OXTR: variants seen among roughly 807,000 people sequenced by gnomAD.
OXTR encodes oxytocin receptor.
In OXTR, 19 loss-of-function variants were observed where a neutral mutation model predicts 23.9. That is an observed-to-expected ratio of 0.80 (90% CI 0.56 to 1.17). The LOEUF (loss-of-function observed/expected upper bound fraction) is 1.17, where lower values mean the gene tolerates loss of function less well. Among genes scored for constraint, OXTR ranks in the 50% most tolerant of loss-of-function variants. The pLI, the probability that OXTR is intolerant of heterozygous loss-of-function variation, is 0.00. For missense variants in OXTR, 500 were observed against 550.7 expected, an observed-to-expected ratio of 0.91 and a Z score of 0.92; for synonymous variants, 278 against 250.5, an observed-to-expected ratio of 1.11 and a Z score of -1.04.
chr3:8,752,800 C>T lies in OXTR; in HGVS notation c.*177G>A. The T allele has an allele frequency of 1.6e-6, 1 of 640,436 alleles. No homozygotes were observed. Among genetic ancestry groups the T allele is most frequent in the South Asian group, 2.0e-5 (1 of 49,760 alleles). The allele number at this position is 640,436 out of a possible 1,614,324, so 39.7% of individuals were successfully genotyped here. On this transcript the variant is annotated 3_prime_UTR_variant, in exon 4 of 4. Coordinates refer to ENST00000316793, the MANE Select transcript of OXTR (RefSeq NM_000916.4). The stretch of plus-strand genomic sequence containing the variant: ...CCAGGGTGTTGTCTGATGGCTGAGT[C>T]CCCTATCATCTTCCATCATGGAGGC...
chr3:8,749,226 T>A (rs968441133), downstream of OXTR, among the ~76,000 whole-genome samples: 1 of 152,032 alleles, frequency 6.6e-6, no homozygotes, highest in African/African-American at 2.4e-5. Context: ...GTGGGGCTAT[T>A]GAAATTGAAT....
downstream of OXTR, chr3:8,745,923 C>T: frequency 1.4e-6 from 2 of 1,446,220 alleles, no homozygotes; most frequent in Non-Finnish European, 1.9e-6. The surrounding 1 kb of genome is among the most constrained non-coding windows in gnomAD (Gnocchi z 4.8). Flanking sequence ...AGACTGGTCC[C>T]CGGGGGACTT....
intron 3 of OXTR, among the ~76,000 whole-genome samples, chr3:8,765,271 G>A (rs895086559): frequency 6.6e-6 from 1 of 152,220 alleles, no homozygotes; most frequent in African/African-American, 2.4e-5. Flanking sequence ...GTGAGAAGAG[G>A]AGTGCAAGTG....
At chr3:8,741,722 G>A in the OXTR span, among the ~76,000 whole-genome samples, 5 of 151,990 alleles carry the variant, frequency 3.3e-5, no homozygotes, top group South Asian at 1.0e-3. Context: ...GGATGCCTAC[G>A]GACTGAGTCA....
Position 8,768,416 on chromosome 3 carries a change from C to A in OXTR, c.-143+80G>T. Reference sequence around the variant, plus strand: ...CGTGCTTGTCCCATTCCCAGGAACCCAACTCATCTGAAACAACAGGGCACA... The same window carrying A: ...CGTGCTTGTCCCATTCCCAGGAACCAAACTCATCTGAAACAACAGGGCACA... On this transcript the variant is annotated intron_variant, in intron 2 of 3. Transcript: ENST00000316793. This position sits in a 1 kb window ranked among gnomAD's most constrained non-coding sequence, Gnocchi z 5.4. The A allele has an allele frequency of 3.2e-6, 2 of 621,076 alleles. No individual in the cohort carries two copies. The highest frequency in any genetic ancestry group is 4.5e-6 in the Non-Finnish European group (2 of 441,492). The allele number at this position is 621,076 out of a possible 1,614,324, so 38.5% of individuals were successfully genotyped here.
At chr3:8,763,687 A>G (rs1308972478) in intron 3 of OXTR, among the ~76,000 whole-genome samples, 1 of 152,214 alleles carries the variant, frequency 6.6e-6, no homozygotes, top group African/African-American at 2.4e-5. Flanking sequence ...CAGTCTCACC[A>G]GCCTCACCAA....
intron 3 of OXTR, among the ~76,000 whole-genome samples, chr3:8,765,168 C>T (rs575662063): frequency 3.1e-4 from 47 of 152,298 alleles, no homozygotes; most frequent in Non-Finnish European, 6.0e-4. Context: ...CAATTGTTGA[C>T]GTGCTTTTAA....
chr3:8,749,427 C>A (rs573963556), downstream of OXTR, among the ~76,000 whole-genome samples: 2 of 152,208 alleles, frequency 1.3e-5, no homozygotes, highest in South Asian at 4.2e-4. Flanking sequence ...TCCCTTTGAT[C>A]CCCAGTGGCC....
Position 8,750,918 on chromosome 3 carries a change from A to G in OXTR, c.*2059T>C, listed in dbSNP as rs1423076010. 6.6e-6 allele frequency: 1 copy of G among 152,192 alleles called. No homozygotes were observed. Among genetic ancestry groups the G allele is most frequent in the Non-Finnish European group, 1.5e-5 (1 of 68,030 alleles). The allele number at this position is 152,192 out of a possible 1,614,324, so 9.4% of individuals were successfully genotyped here. A position where few individuals can be genotyped will look rare whatever the true frequency, so the allele number is the denominator to read the frequency against. On this transcript the variant is annotated 3_prime_UTR_variant, in exon 4 of 4. Transcript: ENST00000316793. ...TACCTAGGAGTGGCATTCCTGGGTC[A>G]TATGGTCACTCTACGTTTAACTTTT...
chr3:8,762,545 G>A (rs1708511392), intron 3 of OXTR, among the ~76,000 whole-genome samples: 1 of 152,176 alleles, frequency 6.6e-6, no homozygotes, highest in African/African-American at 2.4e-5. Flanking sequence ...TGAATATCCT[G>A]TCCAAGCTTC....
intron 3 of OXTR, among the ~76,000 whole-genome samples, chr3:8,765,376 G>A (rs773150989): frequency 3.3e-5 from 5 of 152,178 alleles, no homozygotes; most frequent in Admixed American, 1.3e-4. Flanking sequence ...TGGGAGAGGC[G>A]AGGGGACCCC....
At chr3:8,755,459 T>C (rs1708352041) in intron 3 of OXTR, among the ~76,000 whole-genome samples, 1 of 152,274 alleles carries the variant, frequency 6.6e-6, no homozygotes, top group Non-Finnish European at 1.5e-5. Context: ...TTGGTCTCAC[T>C]CTTTACTCTT....
chr3:8,767,144 G>A, intron 3 of OXTR, 122 bp downstream of exon 3: 1 of 936,894 alleles, frequency 1.1e-6, no homozygotes, highest in South Asian at 2.3e-5. Context: ...GTGACTCTGT[G>A]GGATTTCAAA....
At chr3:8,744,275 A>ATTTT in the OXTR span, among the ~76,000 whole-genome samples, 168 of 120,844 alleles carry the variant, frequency 1.4e-3, 4 homozygotes, top group African/African-American at 5.8e-3. Context: ...GACCAGTGGA[A>ATTTT]TTTTTTTTTT....
At chr3:8,763,377 C>A (rs761769892) in intron 3 of OXTR, among the ~76,000 whole-genome samples, 18 of 152,190 alleles carry the variant, frequency 1.2e-4, no homozygotes, top group Admixed American at 6.5e-5. Flanking sequence ...CTTAAGGACA[C>A]TGGACTGGGC....
At chr3:8,747,509 T>C (rs1381351676), downstream of OXTR, among the ~76,000 whole-genome samples, 1 of 152,250 alleles carries the variant, frequency 6.6e-6, no homozygotes, top group East Asian at 1.9e-4. Flanking sequence ...AAATACGTTG[T>C]AGAGATCAGC....
intron 3 of OXTR, among the ~76,000 whole-genome samples, chr3:8,766,278 T>G (rs1256912999): frequency 1.3e-5 from 2 of 152,288 alleles, no homozygotes; most frequent in East Asian, 3.9e-4. Flanking sequence ...TGCCTGGTGC[T>G]CTGTGCCTTG....
intron 3 of OXTR, among the ~76,000 whole-genome samples, chr3:8,765,744 C>T (rs1187893670): frequency 1.2e-4 from 18 of 152,208 alleles, no homozygotes; most frequent in African/African-American, 3.9e-4. Flanking sequence ...GCATAGGAAA[C>T]GTCAGCTGTG....
At chr3:8,761,500 G>A (rs1356641609) in intron 3 of OXTR, among the ~76,000 whole-genome samples, 1 of 100,942 alleles carries the variant, frequency 9.9e-6, no homozygotes, top group Admixed American at 1.0e-4. Context: ...GCTGGCCTGG[G>A]GCGGCAGGGG....
Sources: allele counts gnomAD v4.1 joint callset (sites outside exome capture counted in the v4.1 genomes callset), GRCh38; gene constraint gnomAD v4.1.1; non-coding constraint Gnocchi (gnomAD v3.1); transcripts MANE v1.5; gene names NCBI Gene and HGNC (gene_info 2026-07-23, HGNC 2026-07-21).